Variants in TPST1 observed in about 807,000 individuals in gnomAD.
TPST1 encodes tyrosylprotein sulfotransferase 1, also known as protein-tyrosine sulfotransferase 1.
In TPST1, 20 loss-of-function variants were observed where a neutral mutation model predicts 34.8. The observed-to-expected ratio is 0.57, with a 90% CI of 0.40 to 0.84. The LOEUF is 0.84. Ranked by LOEUF, TPST1 falls within the 40% of genes least tolerant of loss-of-function variation. TPST1 has a pLI of 0.00. For missense variants in TPST1, 353 were observed against 455.5 expected, an observed-to-expected ratio of 0.78 and a Z score of 2.05; for synonymous variants, 152 against 159.4, an observed-to-expected ratio of 0.95 and a Z score of 0.35.
intron 1 of TPST1, among the ~76,000 whole-genome samples, chr7:66,224,840 C>T (rs1439828127): frequency 6.8e-6 from 1 of 146,584 alleles, no homozygotes; most frequent in African/African-American, 2.5e-5. Context: ...ACGTTTATTG[C>T]AGTGTTTCAG....
At chr7:66,239,912 T>C (rs1370921185) in intron 1 of TPST1, among the ~76,000 whole-genome samples, 1 of 152,174 alleles carries the variant, frequency 6.6e-6, no homozygotes, top group African/African-American at 2.4e-5. Context: ...GACAGAGTCT[T>C]GCTTTGTTGC....
At chr7:66,252,473 C>T (rs1476708788) in intron 2 of TPST1, among the ~76,000 whole-genome samples, 3 of 151,772 alleles carry the variant, frequency 2.0e-5, no homozygotes, top group East Asian at 1.9e-4. Flanking sequence ...TCCCAAGTAG[C>T]AGGGACTGCA....
intron 3 of TPST1, among the ~76,000 whole-genome samples, chr7:66,321,403 G>A (rs981370072): frequency 6.6e-6 from 1 of 152,252 alleles, no homozygotes; most frequent in African/African-American, 2.4e-5. Flanking sequence ...GAAAAAGCAG[G>A]TGTCAACCAT....
At chr7:66,231,390 C>T (rs1039274592) in intron 1 of TPST1, among the ~76,000 whole-genome samples, 13 of 152,302 alleles carry the variant, frequency 8.5e-5, no homozygotes, top group Non-Finnish European at 1.9e-4. Context: ...GTTGATGGGA[C>T]TGGGTGCCGT....
intron 2 of TPST1, among the ~76,000 whole-genome samples, chr7:66,256,129 G>C (rs1162837812): frequency 6.6e-6 from 1 of 152,106 alleles, no homozygotes; most frequent in Non-Finnish European, 1.5e-5. Context: ...TTTTTTCCCA[G>C]AACAGAGTTC....
intron 2 of TPST1, among the ~76,000 whole-genome samples, chr7:66,255,265 T>C (rs917492294): frequency 9.2e-5 from 14 of 152,240 alleles, no homozygotes; most frequent in African/African-American, 3.4e-4. Flanking sequence ...GTGATACTGC[T>C]GGCCTCAAAT....
At chr7:66,355,852 C>T (rs1207428381) in intron 4 of TPST1, among the ~76,000 whole-genome samples, 1 of 148,138 alleles carries the variant, frequency 6.8e-6, no homozygotes, top group Non-Finnish European at 1.5e-5. Context: ...TTGCAGTGAA[C>T]CGAGATTGCG....
chr7:66,240,594 C>T lies in TPST1; in HGVS notation c.169C>T (p.Leu57Phe), dbSNP rs762599737. The T allele has an allele frequency of 1.2e-6, 2 of 1,614,044 alleles. No individual in the cohort carries two copies. The highest frequency in any genetic ancestry group is 1.7e-6 in the Non-Finnish European group (2 of 1,180,034). Reference sequence around the variant, plus strand: ...GACCACTGTGAGAACTGGCCTGGACCTCAAAGCCAACAAAACCTTTGCCTA... The same window carrying T: ...GACCACTGTGAGAACTGGCCTGGACTTCAAAGCCAACAAAACCTTTGCCTA... ...TRTTVRTGLD[L>F]KANKTFAYHK... The change falls in exon 2 of 6, where the codon CTC becomes TTC. Residue 57 changes from leucine to phenylalanine, a missense_variant. By Grantham distance (22) the Leu-to-Phe change is conservative (BLOSUM62 0). Transcript: ENST00000304842.
intron 2 of TPST1, among the ~76,000 whole-genome samples, chr7:66,276,690 C>G (rs1351249962): frequency 1.3e-5 from 2 of 151,848 alleles, no homozygotes; most frequent in African/African-American, 4.8e-5. Context: ...ATTTTTCCTT[C>G]CATTTCTAAA....
rs555719273 is a variant in TPST1, at chr7:66,353,617, C to T, written c.1095+1062C>T. ...AGGAGCCCGGCATCCTGCCTCTGGG[C>T]ATCACTGTCATGCCCATATGGAAGT... On this transcript the variant is annotated intron_variant, in intron 4 of 5. Coordinates refer to ENST00000304842, the MANE Select transcript of TPST1 (RefSeq NM_003596.4). 9.2e-5 allele frequency among the ~76,000 whole-genome samples: 14 copies of T among 152,380 alleles called. No homozygotes were observed. The East Asian group carries it at 2.7e-3, about 29-fold the overall frequency.
At chr7:66,353,318 A>T (rs1792518159) in intron 4 of TPST1, among the ~76,000 whole-genome samples, 2 of 151,988 alleles carry the variant, frequency 1.3e-5, no homozygotes, top group African/African-American at 4.8e-5. Context: ...AAAAAAGAAA[A>T]AATTAGCTAG....
chr7:66,244,803 A>G (rs1790114497), intron 2 of TPST1, among the ~76,000 whole-genome samples: 1 of 152,244 alleles, frequency 6.6e-6, no homozygotes, highest in African/African-American at 2.4e-5. Flanking sequence ...TGACGCTTAG[A>G]CAACAAGTAC....
intron 3 of TPST1, among the ~76,000 whole-genome samples, chr7:66,309,973 T>G (rs1226698549): frequency 5.3e-5 from 8 of 151,868 alleles, no homozygotes; most frequent in Non-Finnish European, 1.2e-4. Context: ...ACAGAAAGAA[T>G]AGGGGCTTGG....
At chr7:66,206,123 CTTTTT>C (rs55882173) in intron 1 of TPST1, among the ~76,000 whole-genome samples, 19 of 116,140 alleles carry the variant, frequency 1.6e-4, no homozygotes, top group Non-Finnish European at 2.2e-4. Flanking sequence ...GGATTCATCG[CTTTTT>C]TTTTTTTTTT....
intron 2 of TPST1, among the ~76,000 whole-genome samples, chr7:66,252,624 T>C (rs183105993): frequency 2.2e-3 from 337 of 151,914 alleles, no homozygotes; most frequent in African/African-American, 7.4e-3. Flanking sequence ...TGAGCCACCG[T>C]GCCCGGCCAG....
intron 1 of TPST1, among the ~76,000 whole-genome samples, chr7:66,212,037 T>C (rs1187310997): frequency 6.6e-6 from 1 of 152,238 alleles, no homozygotes; most frequent in Non-Finnish European, 1.5e-5. Flanking sequence ...TATTATTTGC[T>C]CTGTAATGTC....
chr7:66,304,639 T>C (rs1791385125), intron 3 of TPST1, among the ~76,000 whole-genome samples: 1 of 152,208 alleles, frequency 6.6e-6, no homozygotes, highest in African/African-American at 2.4e-5. Context: ...CTGCTTAACA[T>C]GTTGTAACTA....
chr7:66,340,205 CT>C (rs1792208535), intron 3 of TPST1, among the ~76,000 whole-genome samples: 1 of 151,040 alleles, frequency 6.6e-6, no homozygotes, highest in African/African-American at 2.4e-5. Context: ...TAGAGCGAGA[CT>C]TTATCTCAAA....
intron 3 of TPST1, 144 bp from the exon 4 acceptor site, chr7:66,352,361 C>A: frequency 6.8e-7 from 1 of 1,472,264 alleles, no homozygotes; most frequent in Non-Finnish European, 9.0e-7. Context: ...CCACTGGCTG[C>A]TCTTGAACTG....
Sources: allele counts gnomAD v4.1 joint callset (sites outside exome capture counted in the v4.1 genomes callset), GRCh38; gene constraint gnomAD v4.1.1; transcripts MANE v1.5; gene names NCBI Gene and HGNC (gene_info 2026-07-23, HGNC 2026-07-21).